DNAJC1: variants seen among roughly 807,000 people sequenced by gnomAD.
DNAJC1 encodes DnaJ heat shock protein family (Hsp40) member C1, also known as dnaJ homolog subfamily C member 1.
Under a neutral mutation model 76.6 loss-of-function variants are expected in DNAJC1, and 58 were observed. The ratio of observed to expected loss-of-function variants is 0.76; its 90% CI spans 0.61 to 0.94. The LOEUF (loss-of-function observed/expected upper bound fraction) is 0.94, where lower values mean the gene tolerates loss of function less well. Among genes scored for constraint, DNAJC1 ranks in the 40% least tolerant of loss-of-function variants. The pLI is 0.00. For missense variants in DNAJC1, 689 were observed against 677.3 expected (o/e 1.02, Z -0.19); for synonymous variants, 258 against 267.9 (o/e 0.96, Z 0.36).
At chr10:21,812,059 G>T (rs1045754252) in intron 8 of DNAJC1, among the ~76,000 whole-genome samples, 1 of 150,678 alleles carries the variant, frequency 6.6e-6, no homozygotes, top group Admixed American at 6.6e-5. Flanking sequence ...GATGACAAAT[G>T]ATTTTTTTTT....
intron 7 of DNAJC1, 30 bp from the exon 8 acceptor site, chr10:21,882,469 G>T: frequency 7.3e-7 from 1 of 1,364,402 alleles, no homozygotes; most frequent in South Asian, 1.5e-5. Flanking sequence ...ACCAATTATT[G>T]AGATTTTTAA....
rs146395990 is a variant in DNAJC1 at position 21,805,637 on chromosome 10, A to C, written c.1098+343T>G. ...CTGTACTTCAATGTTAAAAAGATCCAGCTGAAATACAACCCTCCTAATTCT... is the reference window on the plus strand; with the variant it reads ...CTGTACTTCAATGTTAAAAAGATCCCGCTGAAATACAACCCTCCTAATTCT... On this transcript the variant is annotated intron_variant, in intron 9 of 11. Coordinates refer to ENST00000376980, the MANE Select transcript of DNAJC1 (RefSeq NM_022365.4). Among the ~76,000 whole-genome samples, 397 of 152,308 alleles carry C rather than the reference A, an allele frequency of 2.6e-3. 7 individuals are homozygous for C. Among genetic ancestry groups the C allele is most frequent in the Admixed American group, 0.024 (370 of 15,288 alleles).
At chr10:21,830,378 A>G (rs1352922771) in intron 8 of DNAJC1, among the ~76,000 whole-genome samples, 1 of 152,170 alleles carries the variant, frequency 6.6e-6, no homozygotes, top group Non-Finnish European at 1.5e-5. Flanking sequence ...ATAAAATGCT[A>G]AGTTGACAAT....
intron 8 of DNAJC1, among the ~76,000 whole-genome samples, chr10:21,837,299 A>C (rs562516563): frequency 1.3e-5 from 2 of 152,260 alleles, no homozygotes; most frequent in African/African-American, 4.8e-5. Flanking sequence ...GGCCTCCCAA[A>C]GTGCTGAGAT....
In DNAJC1 at chr10:21,929,114, C is replaced by T; in HGVS notation, c.250G>A (p.Ala84Thr). The T allele has an allele frequency of 6.2e-7, 1 of 1,612,024 alleles. No homozygotes were observed. The highest frequency in any genetic ancestry group is 8.5e-7 in the Non-Finnish European group (1 of 1,179,460). Residue 84 changes from alanine (A) to threonine (T), a missense_variant, in exon 2 of 12, where the codon GCA (alanine) becomes ACA (threonine). Coordinates refer to ENST00000376980, the MANE Select transcript of DNAJC1 (RefSeq NM_022365.4). ...QDASSADIRK[A>T]YRKLSLTLHP... ...AAAGTTAGTGAAAGCTTACGATATGCTTTTCTGATGTCTGCAGATGATGCA... is the reference window on the plus strand; with the variant it reads ...AAAGTTAGTGAAAGCTTACGATATGTTTTTCTGATGTCTGCAGATGATGCA...
intron 8 of DNAJC1, among the ~76,000 whole-genome samples, chr10:21,822,927 G>A (rs541851840): frequency 2.6e-5 from 4 of 151,154 alleles, no homozygotes; most frequent in African/African-American, 9.7e-5. Flanking sequence ...CATAAACCAG[G>A]TGCACAGAAA....
intron 8 of DNAJC1, among the ~76,000 whole-genome samples, chr10:21,816,609 G>A (rs1476858879): frequency 3.4e-5 from 5 of 148,258 alleles, no homozygotes; most frequent in Non-Finnish European, 5.9e-5. Flanking sequence ...GCAGTGGTGC[G>A]ATCTCCGCTC....
chr10:21,794,741 T>C (rs1015342751), intron 9 of DNAJC1, among the ~76,000 whole-genome samples: 1 of 152,138 alleles, frequency 6.6e-6, no homozygotes, highest in African/African-American at 2.4e-5. Flanking sequence ...AAGTAAACTT[T>C]TGTACTTCAT....
At chr10:21,942,602 C>G (rs1238209135) in intron 1 of DNAJC1, among the ~76,000 whole-genome samples, 1 of 151,746 alleles carries the variant, frequency 6.6e-6, no homozygotes, top group African/African-American at 2.4e-5. Flanking sequence ...GTAAGGAGAT[C>G]GAGACCTTCC....
At chr10:21,779,220 C>G (rs1834494748) in intron 9 of DNAJC1, among the ~76,000 whole-genome samples, 1 of 152,178 alleles carries the variant, frequency 6.6e-6, no homozygotes, top group Admixed American at 6.5e-5. Context: ...ACTTAAATGT[C>G]CCTGTGTGAC....
intron 9 of DNAJC1, among the ~76,000 whole-genome samples, chr10:21,781,952 AT>A (rs1275699734): frequency 2.0e-5 from 3 of 152,142 alleles, no homozygotes; most frequent in Non-Finnish European, 4.4e-5. Flanking sequence ...AGCAGGAAAG[AT>A]CTAAAATTGA....
At chr10:21,987,657 T>C (rs1335962807) in intron 1 of DNAJC1, among the ~76,000 whole-genome samples, 1 of 152,230 alleles carries the variant, frequency 6.6e-6, no homozygotes, top group Non-Finnish European at 1.5e-5. Flanking sequence ...TAACCTTCAA[T>C]AGATTATAGG....
At chr10:21,990,605 T>C (rs1009506659) in intron 1 of DNAJC1, among the ~76,000 whole-genome samples, 1 of 152,188 alleles carries the variant, frequency 6.6e-6, no homozygotes, top group Admixed American at 6.5e-5. Context: ...ATAATCCCTA[T>C]GGTTAGACAC....
intron 8 of DNAJC1, among the ~76,000 whole-genome samples, chr10:21,810,185 A>G (rs1834942147): frequency 6.6e-6 from 1 of 152,172 alleles, no homozygotes; most frequent in Admixed American, 6.5e-5. Context: ...AACAAAAACT[A>G]AAACAGAAGT....
chr10:21,881,888 C>T (rs1156325483), intron 8 of DNAJC1, among the ~76,000 whole-genome samples: 3 of 147,596 alleles, frequency 2.0e-5, no homozygotes, highest in Non-Finnish European at 4.5e-5. Context: ...GGCACGGTGG[C>T]TCACACCTGT....
Position 21,766,148 on chromosome 10 carries a change from G to C in DNAJC1, c.1147+113C>G, listed in dbSNP as rs968364218. On this transcript the variant is annotated intron_variant, in intron 10 of 11. Coordinates refer to ENST00000376980, the MANE Select transcript of DNAJC1 (RefSeq NM_022365.4). ...CTTTTTGGAGATATGACCAGATTTA[G>C]AGTTCATTAGGCAAAACTTCTAGAC... 4 of 827,564 alleles carry C rather than the reference G, an allele frequency of 4.8e-6. No homozygotes were observed. The Admixed American group carries it at 6.3e-5, about 13-fold the overall frequency. The allele number at this position is 827,564 out of a possible 1,614,324, so 51.3% of individuals were successfully genotyped here.
chr10:21,820,690 AG>A (rs1159678447), intron 8 of DNAJC1, among the ~76,000 whole-genome samples: 1 of 152,224 alleles, frequency 6.6e-6, no homozygotes, highest in East Asian at 1.9e-4. Context: ...ACCCGATGGA[AG>A]CCTGGGCCTC....
chr10:21,856,779 C>T (rs1470492812), intron 8 of DNAJC1, among the ~76,000 whole-genome samples: 1 of 152,034 alleles, frequency 6.6e-6, no homozygotes, highest in African/African-American at 2.4e-5. Flanking sequence ...TCTTCTCACC[C>T]AGGCTGGAGT....
At chr10:21,898,140 G>T (rs1264341634) in intron 7 of DNAJC1, among the ~76,000 whole-genome samples, 2 of 152,006 alleles carry the variant, frequency 1.3e-5, no homozygotes, top group African/African-American at 4.8e-5. Context: ...AGAGAAGCAG[G>T]TATAAACCTA....
Sources: gnomAD v4.1 joint callset for allele counts (sites outside exome capture counted in the v4.1 genomes callset) on GRCh38, gnomAD v4.1.1 for gene constraint, MANE v1.5 for transcripts, NCBI Gene and HGNC (gene_info 2026-07-23, HGNC 2026-07-21) for gene names.